PET117: variants seen among roughly 807,000 people sequenced by gnomAD.
PET117 encodes the protein PET117 cytochrome c oxidase chaperone, also known as protein PET117 homolog, mitochondrial.
A neutral mutation model predicts 9.2 loss-of-function variants in PET117; 10 were observed. The observed-to-expected ratio is 1.09, with a 90% confidence interval of 0.67 to 1.85. PET117 has a LOEUF of 1.85. Ranked by LOEUF, PET117 falls within the 40% of genes most tolerant of loss-of-function variation. PET117 has a pLI of 0.00. For missense variants in PET117, 96 were observed against 98.2 expected (o/e 0.98, Z 0.09); for synonymous variants, 43 against 37.1 (o/e 1.16, Z -0.57).
chr20:18,141,038 T>TTA lies in PET117; in HGVS notation c.97-1169_97-1168insAT, dbSNP rs1555801394. Among the ~76,000 whole-genome samples, 109 of 31,600 alleles carry TTA rather than the reference T, an allele frequency of 3.4e-3. 1 individual carries two copies. The highest frequency in any genetic ancestry group is 8.1e-3 in the African/African-American group (107 of 13,262). 20.7% of individuals were successfully genotyped at this position (31,600 alleles called of 152,430 possible). A position where few individuals can be genotyped will look rare whatever the true frequency, so the allele number is the denominator to read the frequency against. On this transcript the variant is annotated intron_variant, in intron 1 of 1. Transcript: ENST00000432901. ...ACTCCCTGCAATTTTTTTTTTTTTT[T>TTA]TTTTTTTTATTTTTATTTTTGCTAG...
chr20:18,140,256 G>A (rs766596140), intron 1 of PET117, among the ~76,000 whole-genome samples: 1 of 151,950 alleles, frequency 6.6e-6, no homozygotes. Flanking sequence ...AGTGGAATAA[G>A]CACCTCCGTT....
intron 1 of PET117, among the ~76,000 whole-genome samples, chr20:18,141,079 A>G (rs1278455526): frequency 4.5e-5 from 5 of 111,318 alleles, no homozygotes; most frequent in Admixed American, 3.5e-4. Context: ...GGATTTTGCC[A>G]TGTTGCCCAG....
chr20:18,143,070 CAT>C lies in PET117; in HGVS notation c.*715_*716del. ...TGATCAGCTATAAATTTATATAAAA[CAT>C]AGGCATGTTTGTACTAATGAAACGT... On this transcript the variant is annotated 3_prime_UTR_variant, in exon 2 of 2. Transcript: ENST00000432901. 6.3e-6 allele frequency: 9 copies of C among 1,422,950 alleles called. No individual in the cohort carries two copies. The highest frequency in any genetic ancestry group is 1.5e-5 in the South Asian group (1 of 64,884). 88.1% of individuals were successfully genotyped at this position (1,422,950 alleles called of 1,614,324 possible).
At chr20:18,140,300 G>A (rs537864568) in intron 1 of PET117, among the ~76,000 whole-genome samples, 4 of 152,184 alleles carry the variant, frequency 2.6e-5, no homozygotes, top group East Asian at 3.9e-4. Context: ...AAGGGTGCAT[G>A]GTTCAAGACA....
At chr20:18,138,143 C>T (rs898542399) in intron 1 of PET117, 92 bp downstream of exon 1, 4 of 1,344,634 alleles carry the variant, frequency 3.0e-6, no homozygotes, top group South Asian at 1.8e-5. Context: ...TCCTCAGCTC[C>T]TCTTCGTGTC....
At chr20:18,138,109 T>C in intron 1 of PET117, 58 bp downstream of exon 1, 1 of 1,418,226 alleles carries the variant, frequency 7.1e-7, no homozygotes, top group Non-Finnish European at 9.2e-7. Flanking sequence ...ACCTGGGGCC[T>C]CTCGTGGTCT....
At chr20:18,139,858 CT>C (rs2037462585) in intron 1 of PET117, among the ~76,000 whole-genome samples, 1 of 152,070 alleles carries the variant, frequency 6.6e-6, no homozygotes, top group Admixed American at 6.6e-5. Context: ...GTATTAAGCA[CT>C]TTATGTATAT....
At chr20:18,138,285 C>A (rs2037377787) in intron 1 of PET117, 5 of 1,212,314 alleles carry the variant, frequency 4.1e-6, no homozygotes, top group Non-Finnish European at 5.1e-6. Context: ...ACCCGGCTGC[C>A]CGGCTTAGCG....
At chr20:18,138,231 G>A (rs2037374065) in intron 1 of PET117, 180 bp downstream of exon 1, 2 of 1,251,026 alleles carry the variant, frequency 1.6e-6, no homozygotes, top group Admixed American at 8.6e-5. Context: ...GGCTCCGGGC[G>A]CTGCAGCTCC....
rs1221024567 is a variant in PET117, at chr20:18,142,735, A to G, written c.*378A>G. The G allele has an allele frequency of 6.2e-7, 1 of 1,614,222 alleles. No individual in the cohort carries two copies. The highest frequency in any genetic ancestry group is 1.1e-5 in the South Asian group (1 of 91,080). ...AAGCCACGAGAACATCGACCTCAGA[A>G]GGACTGGAGGAAGGTGAAGTGGAGG... is the stretch of plus-strand genomic sequence containing the variant. On this transcript the variant is annotated 3_prime_UTR_variant, in exon 2 of 2. Transcript: ENST00000432901.
At position 18,137,975 on chromosome 20, in the gene PET117, T is replaced by C; in HGVS notation, c.20T>C (p.Val7Ala). MSRSSK[V>A]VLGLSVLLTA... is the part of the protein sequence containing the mutation. ...GTGGGGATGTCTAGGAGCTCGAAGG[T>C]GGTGCTGGGCCTCTCGGTGCTGCTG... The change falls in exon 1 of 2, where the codon GTG becomes GCG. Residue 7 changes from valine to alanine, a missense_variant. Physicochemically the swap from Val to Ala is moderately conservative, Grantham distance 64 (BLOSUM62 0). Coordinates refer to ENST00000432901, the MANE Select transcript of PET117 (RefSeq NM_001164811.2). The C allele has an allele frequency of 6.7e-7, 1 of 1,500,246 alleles. No homozygotes were observed. Among genetic ancestry groups the C allele is most frequent in the African/African-American group, 1.4e-5 (1 of 69,044 alleles). 92.9% of individuals were successfully genotyped at this position (1,500,246 alleles called of 1,614,324 possible). A position where few individuals can be genotyped will look rare whatever the true frequency, so the allele number is the denominator to read the frequency against.
chr20:18,141,617 G>T (rs1176399972), intron 1 of PET117, among the ~76,000 whole-genome samples: 2 of 152,236 alleles, frequency 1.3e-5, no homozygotes, highest in African/African-American at 4.8e-5. Flanking sequence ...GGGTGCAGTG[G>T]CTCACGCCTG....
Position 18,142,236 on chromosome 20 carries a change from T to C in PET117, c.125T>C (p.Ile42Thr). The C allele has an allele frequency of 6.5e-7, 1 of 1,537,176 alleles. No homozygotes were observed. Among genetic ancestry groups the C allele is most frequent in the Non-Finnish European group, 8.7e-7 (1 of 1,146,902 alleles). ...CTTCGTGACGGAGTTATCAGAGACA[T>C]TGAGAGGCAAATTCGGAAAAAAGAA... ...QRLRDGVIRDIERQIRKKENI... is the reference protein window; with the variant it reads ...QRLRDGVIRDTERQIRKKENI... The change falls in exon 2 of 2, where the codon ATT becomes ACT. Residue 42 changes from isoleucine (I) to threonine (T), a missense_variant. By Grantham distance (89) the Ile-to-Thr change is moderately conservative. Transcript: ENST00000432901.
chr20:18,141,051 T>TTTTTCTTTTTTTTG (rs58888387), intron 1 of PET117, among the ~76,000 whole-genome samples: 1 of 109,704 alleles, frequency 9.1e-6, no homozygotes, highest in Non-Finnish European at 1.8e-5. Context: ...TTTTTTATTT[T>TTTTTCTTTTTTTTG]TATTTTTGCT....
At chr20:18,140,664 T>G (rs963812416) in intron 1 of PET117, among the ~76,000 whole-genome samples, 2 of 151,194 alleles carry the variant, frequency 1.3e-5, no homozygotes, top group Admixed American at 1.3e-4. Flanking sequence ...ACAAAAAAAT[T>G]AGCCAGGCCT....
At chr20:18,140,944 G>A (rs2037525690) in intron 1 of PET117, among the ~76,000 whole-genome samples, 1 of 148,440 alleles carries the variant, frequency 6.7e-6, no homozygotes, top group Admixed American at 6.7e-5. Context: ...TGCAGCCTGT[G>A]CCTCCCAGGC....
At chr20:18,138,360 G>T (rs558647438) in intron 1 of PET117, 89 of 1,079,034 alleles carry the variant, frequency 8.2e-5, no homozygotes, top group Middle Eastern at 8.2e-4. Context: ...CTTTTGGGGT[G>T]CCCAGTGGCT....
intron 1 of PET117, 182 bp downstream of exon 1, chr20:18,138,233 T>C: frequency 8.0e-7 from 1 of 1,248,468 alleles, no homozygotes; most frequent in Non-Finnish European, 1.0e-6. Context: ...CTCCGGGCGC[T>C]GCAGCTCCCG....
rs1183573888 is a variant in PET117, at chr20:18,142,612, G to A, written c.*255G>A. 1 of 1,610,394 alleles carries A rather than the reference G, an allele frequency of 6.2e-7. No individual in the cohort carries two copies. The highest frequency in any genetic ancestry group is 8.5e-7 in the Non-Finnish European group (1 of 1,177,802). On this transcript the variant is annotated 3_prime_UTR_variant, in exon 2 of 2. Transcript: ENST00000432901. ...AGCCCCATTAGGGTCACTGTCCAGT[G>A]CTTAGGGTTGTTACTGAGAAGCACT...
Sources: gnomAD v4.1 joint callset for allele counts (sites outside exome capture counted in the v4.1 genomes callset) on GRCh38, gnomAD v4.1.1 for gene constraint, MANE v1.5 for transcripts, NCBI Gene and HGNC (gene_info 2026-07-23, HGNC 2026-07-21) for gene names.